RGS5: variants seen among roughly 807,000 people sequenced by gnomAD.
RGS5 encodes the protein regulator of G protein signaling 5.
A neutral mutation model predicts 18.9 loss-of-function variants in RGS5; 20 were observed. The observed-to-expected ratio is 1.06, with a 90% CI of 0.74 to 1.54. The LOEUF (loss-of-function observed/expected upper bound fraction) is 1.54, where lower values mean the gene tolerates loss of function less well. Ranked by LOEUF, RGS5 falls within the 40% of genes most tolerant of loss-of-function variation. The pLI, the probability that RGS5 is intolerant of heterozygous loss-of-function variation, is 0.00. For synonymous variants in RGS5, 57 were observed against 76.2 expected (o/e 0.75, Z 1.31); for missense variants, 201 against 211.8 (o/e 0.95, Z 0.32).
intron 1 of RGS5, among the ~76,000 whole-genome samples, chr1:163,309,734 T>C (rs1481000039): frequency 6.6e-6 from 1 of 152,198 alleles, no homozygotes; most frequent in Non-Finnish European, 1.5e-5. Context: ...CTCCCATGAA[T>C]CACAAATGAT....
At chr1:163,263,464 T>TA (rs1419016088) in intron 2 of RGS5, among the ~76,000 whole-genome samples, 1 of 152,174 alleles carries the variant, frequency 6.6e-6, no homozygotes, top group African/African-American at 2.4e-5. Context: ...AAGTATAACT[T>TA]AGTTACCATT....
rs189273347 is a variant in RGS5 at position 163,298,515 on chromosome 1, T to C, written c.-281+7718A>G. On this transcript the variant is annotated intron_variant, in intron 2 of 5. Transcript: ENST00000618415. The stretch of plus-strand genomic sequence containing the variant: ...GGTGGTTTATCGGGGGTGGTGTCTA[T>C]ACAAGTTGCAGGGGAGTAAGAGGAG... Among the ~76,000 whole-genome samples the C allele has an allele frequency of 8.7e-4, 132 of 152,228 alleles. No homozygotes were observed. In the East Asian group the frequency reaches 0.012, roughly 14 times the overall value.
chr1:163,295,103 C>T (rs1335883997), intron 2 of RGS5, among the ~76,000 whole-genome samples: 1 of 152,158 alleles, frequency 6.6e-6, no homozygotes, highest in East Asian at 1.9e-4. Context: ...CCACATTGTC[C>T]TATTTTCTTC....
intron 2 of RGS5, chr1:163,245,051 G>A (rs1328033766): frequency 6.6e-6 from 1 of 152,176 alleles, no homozygotes; most frequent in Non-Finnish European, 1.5e-5. Context: ...AAAACCTTAG[G>A]TCACATTATT....
chr1:163,320,900 A>G (rs909440886), intron 1 of RGS5, among the ~76,000 whole-genome samples: 5 of 152,142 alleles, frequency 3.3e-5, no homozygotes, highest in African/African-American at 1.2e-4. Flanking sequence ...TTTTCACATA[A>G]TTCAGTTCAG....
exon 1 of RGS5, chr1:163,217,533 T>A (rs1281994547): frequency 6.5e-7 from 1 of 1,538,076 alleles, no homozygotes; most frequent in Non-Finnish European, 8.7e-7. Context: ...TACATTGATA[T>A]GCCAATGAGC....
intron 1 of RGS5, among the ~76,000 whole-genome samples, chr1:163,196,923 T>A (rs1409451686): frequency 6.6e-6 from 1 of 152,134 alleles, no homozygotes; most frequent in Non-Finnish European, 1.5e-5. Context: ...CTTGTCTCTA[T>A]TTGCTGTAAC....
At chr1:163,169,908 CA>C (rs1342962597) in intron 1 of RGS5, among the ~76,000 whole-genome samples, 1 of 152,154 alleles carries the variant, frequency 6.6e-6, no homozygotes, top group Non-Finnish European at 1.5e-5. Context: ...TGCCAAACAA[CA>C]AACTACAGCA....
upstream of RGS5, among the ~76,000 whole-genome samples, chr1:163,203,835 A>G (rs1412354553): frequency 6.6e-6 from 1 of 152,106 alleles, no homozygotes; most frequent in African/African-American, 2.4e-5. Context: ...CACTCAAGGA[A>G]TATTTACCAA....
Position 163,217,536 on chromosome 1 carries a change from C to CA in RGS5, c.58dup (p.Trp20LeufsTer8). 6.5e-7 allele frequency: 1 copy of CA among 1,539,480 alleles called. No individual in the cohort carries two copies. On this transcript the variant is annotated frameshift_variant, in exon 1 of 6. Coordinates refer to the RGS5 transcript ENST00000367903. LOFTEE classifies it high-confidence loss of function. ...AATATTTGTACATACATTGATATGCCAATGAGCACTGTGCATCTGTAAGAT... is the reference window on the plus strand; with the variant it reads ...AATATTTGTACATACATTGATATGCCAAATGAGCACTGTGCATCTGTAAGAT...
At chr1:163,275,096 AC>A (rs1648819712) in intron 2 of RGS5, among the ~76,000 whole-genome samples, 1 of 152,176 alleles carries the variant, frequency 6.6e-6, no homozygotes, top group Non-Finnish European at 1.5e-5. Context: ...AGACTGTGAG[AC>A]AGAGCAAAAA....
At chr1:163,216,145 C>G (rs1447674999) in intron 1 of RGS5, among the ~76,000 whole-genome samples, 4 of 152,094 alleles carry the variant, frequency 2.6e-5, no homozygotes, top group Non-Finnish European at 5.9e-5. Context: ...ACCAGGACTT[C>G]TTAGAGCTTT....
chr1:163,293,410 T>G (rs1043255835), intron 2 of RGS5, among the ~76,000 whole-genome samples: 1 of 152,160 alleles, frequency 6.6e-6, no homozygotes, highest in African/African-American at 2.4e-5. Flanking sequence ...GCCACACTTT[T>G]AAACTATCAG....
chr1:163,201,798 T>G (rs1659778564), intron 1 of RGS5, among the ~76,000 whole-genome samples: 3 of 152,168 alleles, frequency 2.0e-5, no homozygotes. Context: ...AATAAAATCT[T>G]CCGAGACAAA....
intron 1 of RGS5, among the ~76,000 whole-genome samples, chr1:163,314,203 T>C (rs1224375438): frequency 1.3e-5 from 2 of 152,234 alleles, no homozygotes; most frequent in South Asian, 2.1e-4. Context: ...TAATGGATTG[T>C]CCTAGGAACA....
chr1:163,265,356 A>G (rs1011654601), intron 2 of RGS5, among the ~76,000 whole-genome samples: 1 of 152,020 alleles, frequency 6.6e-6, no homozygotes, highest in Non-Finnish European at 1.5e-5. Flanking sequence ...TTCTATATCA[A>G]AGGAAGAGGT....
chr1:163,266,294 T>G (rs1648570705), intron 2 of RGS5, among the ~76,000 whole-genome samples: 1 of 152,174 alleles, frequency 6.6e-6, no homozygotes, highest in Non-Finnish European at 1.5e-5. Flanking sequence ...ATATGTCTCA[T>G]ATTCACTCCC....
intron 2 of RGS5, among the ~76,000 whole-genome samples, chr1:163,283,238 T>C (rs1350126930): frequency 6.6e-6 from 1 of 152,078 alleles, no homozygotes. Context: ...GAGAATATGA[T>C]TAACTATACT....
At chr1:163,181,338 T>G (rs1409619731) in intron 1 of RGS5, among the ~76,000 whole-genome samples, 2 of 152,142 alleles carry the variant, frequency 1.3e-5, no homozygotes, top group Non-Finnish European at 2.9e-5. Flanking sequence ...CTATGCCAGT[T>G]TAATACTCCA....
Sources: allele counts gnomAD v4.1 joint callset (sites outside exome capture counted in the v4.1 genomes callset), GRCh38; gene constraint gnomAD v4.1.1; transcripts MANE v1.5; gene names NCBI Gene and HGNC (gene_info 2026-07-23, HGNC 2026-07-21).